Variants in IRAK2 observed in about 807,000 individuals in gnomAD.
IRAK2 encodes the protein interleukin-1 receptor-associated kinase-like 2.
A neutral mutation model predicts 72.0 loss-of-function variants in IRAK2; 57 were observed. The ratio of observed to expected loss-of-function variants is 0.79; its 90% confidence interval spans 0.64 to 0.99. The LOEUF (loss-of-function observed/expected upper bound fraction) is 0.99, where lower values mean the gene tolerates loss of function less well. IRAK2 is among the 50% of genes least tolerant of loss of function. The pLI is 0.00. For missense variants in IRAK2, 790 were observed against 794.4 expected (o/e 0.99, Z 0.07); for synonymous variants, 293 against 312.7 (o/e 0.94, Z 0.67).
intron 7 of IRAK2, among the ~76,000 whole-genome samples, chr3:10,218,829 A>G (rs1487565144): frequency 6.6e-6 from 1 of 152,178 alleles, no homozygotes; most frequent in Non-Finnish European, 1.5e-5. Context: ...AGAGATGTTA[A>G]GTGTCTTTTT....
intron 2 of IRAK2, among the ~76,000 whole-genome samples, chr3:10,179,438 A>ATTT (rs34786090): frequency 6.9e-6 from 1 of 144,608 alleles, no homozygotes; most frequent in Admixed American, 7.0e-5. Context: ...CATCCAGCTA[A>ATTT]TTTTTTTTTT....
rs1410459680 is a variant in IRAK2, at chr3:10,185,366, T to C, written c.277+7346T>C. On this transcript the variant is annotated intron_variant, in intron 2 of 12. Coordinates refer to ENST00000256458, the MANE Select transcript of IRAK2 (RefSeq NM_001570.4). ...TGAGGTCGGGAGTTCGGGACCAGCC[T>C]GACCAACATGGAGAAACCCTGTCTC... Among the ~76,000 whole-genome samples the C allele has an allele frequency of 4.0e-5, 6 of 150,478 alleles. No individual in the cohort carries two copies. In the East Asian group the frequency reaches 1.0e-3, roughly 25 times the overall value.
chr3:10,179,002 T>C (rs1696920247), intron 2 of IRAK2, among the ~76,000 whole-genome samples: 1 of 152,144 alleles, frequency 6.6e-6, no homozygotes, highest in African/African-American at 2.4e-5. Flanking sequence ...CAGGCTGGTC[T>C]TGAACTCCTG....
At chr3:10,208,082 G>T (rs1010154722) in intron 3 of IRAK2, among the ~76,000 whole-genome samples, 1 of 151,394 alleles carries the variant, frequency 6.6e-6, no homozygotes, top group Non-Finnish European at 1.5e-5. Flanking sequence ...TAATGAGGCC[G>T]TCTGGTAGGG....
At chr3:10,235,152 C>G (rs961465040) in intron 11 of IRAK2, among the ~76,000 whole-genome samples, 3 of 152,090 alleles carry the variant, frequency 2.0e-5, no homozygotes, top group African/African-American at 7.2e-5. Context: ...TGGATGGTGT[C>G]GGCGCCAGGT....
intron 2 of IRAK2, among the ~76,000 whole-genome samples, chr3:10,197,384 CAAA>C (rs992602301): frequency 1.8e-5 from 2 of 114,250 alleles, no homozygotes; most frequent in African/African-American, 3.2e-5. Flanking sequence ...GACTCTGTCT[CAAA>C]AAAAAAAAAA....
chr3:10,188,059 G>C (rs1559442287), intron 2 of IRAK2, among the ~76,000 whole-genome samples: 1 of 152,182 alleles, frequency 6.6e-6, no homozygotes, highest in Non-Finnish European at 1.5e-5. Flanking sequence ...AGGGGCTTAA[G>C]AGCAGGAATT....
At position 10,164,965 on chromosome 3, in the gene IRAK2, A is replaced by G. The variant is rs763536692; in HGVS notation, c.11A>G (p.Tyr4Cys). ...GCCCCGTAGCGTGCCATGGCCTGCT[A>G]CATCTACCAGCTGCCCTCCTGGGTG... MACYIYQLPSWVLD... is the reference protein window; with the variant it reads MACCIYQLPSWVLD... The change falls in exon 1 of 13, where the codon TAC becomes TGC. Residue 4 changes from tyrosine to cysteine, a missense_variant. Physicochemically the swap from Tyr to Cys is radical, Grantham distance 194 (BLOSUM62 -2). Transcript: ENST00000256458. 1.7e-5 allele frequency: 27 copies of G among 1,610,416 alleles called. No individual in the cohort carries two copies. The highest frequency in any genetic ancestry group is 8.9e-5 in the East Asian group (4 of 44,754).
chr3:10,170,153 C>T (rs1396045863), intron 1 of IRAK2, among the ~76,000 whole-genome samples: 1 of 152,200 alleles, frequency 6.6e-6, no homozygotes, highest in African/African-American at 2.4e-5. Flanking sequence ...CTGCAGCATC[C>T]TGTGGCTTAT....
At position 10,177,670 on chromosome 3, in the gene IRAK2, G is replaced by A. The variant is rs11465862; in HGVS notation, c.95-168G>A. Among the ~76,000 whole-genome samples the A allele has an allele frequency of 6.9e-3, 1,053 of 152,318 alleles. 7 individuals are homozygous for A. The highest frequency in any genetic ancestry group is 0.027 in the Middle Eastern group (8 of 294). On this transcript the variant is annotated intron_variant, in intron 1 of 12. Coordinates refer to ENST00000256458, the MANE Select transcript of IRAK2 (RefSeq NM_001570.4). ...CCCATGGGTGCCCAGCAGAGTCAGC[G>A]TTGTAACTTGGGCCACCTGTGGACC... is the stretch of plus-strand genomic sequence containing the variant.
At chr3:10,188,951 G>C (rs1000048316) in intron 2 of IRAK2, among the ~76,000 whole-genome samples, 1 of 152,280 alleles carries the variant, frequency 6.6e-6, no homozygotes, top group African/African-American at 2.4e-5. Flanking sequence ...ATGAGCCACT[G>C]CGCCTGGCCT....
rs1302341137 is a variant in IRAK2, at chr3:10,200,940, A to G, written c.424+425A>G. Among the ~76,000 whole-genome samples the G allele has an allele frequency of 2.0e-5, 3 of 152,334 alleles. No homozygotes were observed. In the East Asian group the frequency reaches 5.8e-4, roughly 29 times the overall value. ...TCTGGCAACAACAATGGGGGATAAT[A>G]AAATTAATGTCAGACAGTCACAACA... On this transcript the variant is annotated intron_variant, in intron 3 of 12. Coordinates refer to ENST00000256458, the MANE Select transcript of IRAK2 (RefSeq NM_001570.4).
chr3:10,187,113 G>A (rs907629983), intron 2 of IRAK2, among the ~76,000 whole-genome samples: 1 of 151,190 alleles, frequency 6.6e-6, no homozygotes, highest in Non-Finnish European at 1.5e-5. Context: ...GAGCATTTTG[G>A]ATTTCAGGTT....
chr3:10,238,279 C>T (rs571809785), intron 11 of IRAK2, among the ~76,000 whole-genome samples: 1 of 152,266 alleles, frequency 6.6e-6, no homozygotes, highest in South Asian at 2.1e-4. Flanking sequence ...CATTGTGTCT[C>T]TCTGTCTGTG....
intron 9 of IRAK2, 72 bp downstream of exon 9, chr3:10,222,903 C>T (rs1697719269): frequency 7.4e-7 from 1 of 1,351,970 alleles, no homozygotes; most frequent in Non-Finnish European, 1.0e-6. Flanking sequence ...TTTGTAATCA[C>T]AGGATACGGT....
chr3:10,210,322 A>G (rs908042409), intron 4 of IRAK2, among the ~76,000 whole-genome samples: 2 of 151,482 alleles, frequency 1.3e-5, no homozygotes, highest in Non-Finnish European at 2.9e-5. Flanking sequence ...CAGAAGTTGC[A>G]GTGAGCTGTG....
At chr3:10,240,532 A>G (rs1698036933) in intron 12 of IRAK2, among the ~76,000 whole-genome samples, 2 of 52,898 alleles carry the variant, frequency 3.8e-5, no homozygotes, top group Admixed American at 4.6e-4. Flanking sequence ...ATAAAAAATT[A>G]GGAAGCCCCC....
chr3:10,170,739 G>T (rs1696782118), intron 1 of IRAK2, among the ~76,000 whole-genome samples: 1 of 152,230 alleles, frequency 6.6e-6, no homozygotes, highest in Non-Finnish European at 1.5e-5. Flanking sequence ...CCTTGGTGTG[G>T]TGAGGATGCG....
chr3:10,177,931 G>C lies in IRAK2; in HGVS notation c.188G>C (p.Trp63Ser), dbSNP rs763980312. The C allele has an allele frequency of 4.3e-6, 7 of 1,613,762 alleles. No homozygotes were observed. The highest frequency in any genetic ancestry group is 2.7e-5 in the African/African-American group (2 of 74,906). Residue 63 changes from tryptophan (W) to serine (S), a missense_variant, in exon 2 of 13, where the codon TGG becomes TCG. Transcript: ENST00000256458. ...AGCATCACGCGGGAGCTGCTGTGGT[G>C]GTGGGGCATGCGGCAGGCCACCGTC... ...GVSITRELLW[W>S]WGMRQATVQQ... is the part of the protein sequence containing the mutation.
Sources: allele counts gnomAD v4.1 joint callset (sites outside exome capture counted in the v4.1 genomes callset), GRCh38; gene constraint gnomAD v4.1.1; transcripts MANE v1.5; gene names NCBI Gene and HGNC (gene_info 2026-07-23, HGNC 2026-07-21).